LRRC75B: variants seen among roughly 807,000 people sequenced by gnomAD.
The protein encoded by LRRC75B is leucine rich repeat containing 75B, also known as leucine-rich repeat-containing protein 75B.
LRRC75B carries 20 observed loss-of-function variants against 16.5 expected under a neutral mutation model. The ratio of observed to expected loss-of-function variants is 1.21; its 90% CI spans 0.85 to 1.76. LRRC75B has a LOEUF of 1.76. LRRC75B is among the 40% of genes most tolerant of loss of function. LRRC75B has a pLI of 0.00. For missense variants in LRRC75B, 406 were observed against 417.0 expected (o/e 0.97, Z 0.23); for synonymous variants, 199 against 198.1 (o/e 1.00, Z -0.04).
chr22:24,592,898 C>T lies in LRRC75B; in HGVS notation c.142G>A (p.Glu48Lys), dbSNP rs747416487. ...IQSTLRERRPERARQLLRLLR... is the reference protein window; with the variant it reads ...IQSTLRERRPKRARQLLRLLR... Reference sequence around the variant, plus strand: ...AGGCGCAGCAGCTGCCGGGCGCGCTCCGGCCGCCGCTCGCGGAGCGTGGAC... The same window carrying T: ...AGGCGCAGCAGCTGCCGGGCGCGCTTCGGCCGCCGCTCGCGGAGCGTGGAC... The change falls in exon 1 of 4, where the codon GAG becomes AAG. Residue 48 changes from glutamate (E) to lysine (K), a missense_variant. Glu to Lys is a moderately conservative substitution (Grantham distance 56). Transcript: ENST00000318753. The T allele has an allele frequency of 4.2e-5, 54 of 1,281,024 alleles. No individual in the cohort carries two copies. The highest frequency in any genetic ancestry group is 2.1e-4 in the South Asian group (9 of 42,052). 79.4% of individuals were successfully genotyped at this position (1,281,024 alleles called of 1,614,324 possible). A position where few individuals can be genotyped will look rare whatever the true frequency, so the allele number is the denominator to read the frequency against.
At chr22:24,589,067 A>G in intron 2 of LRRC75B, 1 of 1,037,110 alleles carries the variant, frequency 9.6e-7, no homozygotes. Context: ...GGCTAGGCGC[A>G]GAGTCCTAGG....
rs1019114133 is a variant in LRRC75B at position 24,592,889 on chromosome 22, G to C, written c.151C>G (p.Arg51Gly). ...TLRERRPERA[R>G]QLLRLLRQDL... Reference sequence around the variant, plus strand: ...TGGCGCAGGAGGCGCAGCAGCTGCCGGGCGCGCTCCGGCCGCCGCTCGCGG... The same window carrying C: ...TGGCGCAGGAGGCGCAGCAGCTGCCCGGCGCGCTCCGGCCGCCGCTCGCGG... Residue 51 changes from arginine to glycine, a missense_variant, in exon 1 of 4, where the codon CGG (arginine) becomes GGG (glycine). Arg to Gly is a moderately radical substitution (Grantham distance 125). Coordinates refer to ENST00000318753, the MANE Select transcript of LRRC75B (RefSeq NM_207644.3). The C allele has an allele frequency of 3.1e-6, 4 of 1,281,134 alleles. No homozygotes were observed. Among genetic ancestry groups the C allele is most frequent in the Non-Finnish European group, 3.0e-6 (3 of 1,013,858 alleles). The allele number at this position is 1,281,134 out of a possible 1,614,324, so 79.4% of individuals were successfully genotyped here. A position where few individuals can be genotyped will look rare whatever the true frequency, so the allele number is the denominator to read the frequency against.
At chr22:24,590,637 G>A (rs1303943416) in intron 1 of LRRC75B, among the ~76,000 whole-genome samples, 2 of 152,278 alleles carry the variant, frequency 1.3e-5, no homozygotes, top group East Asian at 3.9e-4. Context: ...GTCCCCCAGT[G>A]TTCCCTTCAG....
At chr22:24,587,540 G>A (rs1216426149) in intron 3 of LRRC75B, among the ~76,000 whole-genome samples, 1 of 152,100 alleles carries the variant, frequency 6.6e-6, no homozygotes, top group African/African-American at 2.4e-5. Flanking sequence ...GCAGACAGGG[G>A]AGGCCTGCTA....
chr22:24,590,614 C>G (rs986914135), intron 1 of LRRC75B, among the ~76,000 whole-genome samples: 21 of 152,106 alleles, frequency 1.4e-4, no homozygotes, highest in Non-Finnish European at 2.1e-4. Context: ...CTTATGACCC[C>G]TCAAATTCCC....
chr22:24,590,640 C>T (rs964095135), intron 1 of LRRC75B, among the ~76,000 whole-genome samples: 6 of 152,128 alleles, frequency 3.9e-5, no homozygotes, highest in Admixed American at 6.5e-5. Flanking sequence ...CCCCAGTGTT[C>T]CCTTCAGATC....
intron 1 of LRRC75B, among the ~76,000 whole-genome samples, chr22:24,591,838 C>T (rs1026798704): frequency 6.6e-6 from 1 of 152,262 alleles, no homozygotes; most frequent in Admixed American, 6.5e-5. Flanking sequence ...CAGACCGCAA[C>T]CTGCCAGCCT....
chr22:24,589,524 GC>G, intron 2 of LRRC75B: 1 of 461,494 alleles, frequency 2.2e-6, no homozygotes, highest in Non-Finnish European at 3.3e-6. Context: ...TATGACTTCT[GC>G]CCAGCTATAG....
intron 3 of LRRC75B, 47 bp from the exon 4 acceptor site, chr22:24,586,458 C>G: frequency 6.4e-7 from 1 of 1,562,076 alleles, no homozygotes; most frequent in South Asian, 1.2e-5. Context: ...CCAGGCAGTC[C>G]CCCCACTGAC....
chr22:24,592,343 G>T (rs1468494190), intron 1 of LRRC75B: 1 of 470,674 alleles, frequency 2.1e-6, no homozygotes. Flanking sequence ...CTCTCTGTGG[G>T]CTGCCATGGT....
At chr22:24,588,029 T>A (rs1390159448) in intron 3 of LRRC75B, among the ~76,000 whole-genome samples, 185 bp downstream of exon 3, 1 of 152,124 alleles carries the variant, frequency 6.6e-6, no homozygotes, top group East Asian at 1.9e-4. Context: ...AGGGTGCAGC[T>A]TGGCTTGGGG....
At chr22:24,587,702 C>T (rs1056973823) in intron 3 of LRRC75B, among the ~76,000 whole-genome samples, 6 of 152,182 alleles carry the variant, frequency 3.9e-5, no homozygotes, top group African/African-American at 9.7e-5. Context: ...TGGGCAGCCA[C>T]GGAAGCCTCA....
chr22:24,592,164 G>C lies in LRRC75B; in HGVS notation c.177+699C>G, dbSNP rs886922247. ...GGGAAGTGGCATGCCCAGGTGATTG[G>C]GGGGACCAGCATCCTGGGACAACCC... On this transcript the variant is annotated intron_variant, in intron 1 of 3. Coordinates refer to ENST00000318753, the MANE Select transcript of LRRC75B (RefSeq NM_207644.3). 5 of 397,182 alleles carry C rather than the reference G, an allele frequency of 1.3e-5. No individual in the cohort carries two copies. In the East Asian group the frequency reaches 3.7e-4, roughly 29 times the overall value. 24.6% of individuals were successfully genotyped at this position (397,182 alleles called of 1,614,324 possible). A position where few individuals can be genotyped will look rare whatever the true frequency, so the allele number is the denominator to read the frequency against.
intron 3 of LRRC75B, 129 bp downstream of exon 3, chr22:24,588,085 C>T (rs984848262): frequency 1.1e-5 from 8 of 713,664 alleles, no homozygotes; most frequent in Non-Finnish European, 2.0e-5. Flanking sequence ...GTAGGGCCCT[C>T]ATGCGGACCA....
At chr22:24,592,343 G>A (rs1468494190) in intron 1 of LRRC75B, 1 of 470,556 alleles carries the variant, frequency 2.1e-6, no homozygotes, top group Admixed American at 2.3e-5. Flanking sequence ...CTCTCTGTGG[G>A]CTGCCATGGT....
rs1019114133 is a variant in LRRC75B, at chr22:24,592,889, G to T, written c.151C>A (p.Arg51=). 1.6e-6 allele frequency: 2 copies of T among 1,281,242 alleles called. No individual in the cohort carries two copies. Among genetic ancestry groups the T allele is most frequent in the Non-Finnish European group, 2.0e-6 (2 of 1,013,848 alleles). 79.4% of individuals were successfully genotyped at this position (1,281,242 alleles called of 1,614,324 possible). ...TGGCGCAGGAGGCGCAGCAGCTGCC[G>T]GGCGCGCTCCGGCCGCCGCTCGCGG... ...TLRERRPERA[R]QLLRLLRQDL... is the part of the protein sequence containing the mutation. The change falls in exon 1 of 4, where the codon CGG becomes AGG. Residue 51 remains arginine, a synonymous_variant. Coordinates refer to ENST00000318753, the MANE Select transcript of LRRC75B (RefSeq NM_207644.3).
intron 3 of LRRC75B, 21 bp from the exon 4 acceptor site, chr22:24,586,432 G>C: frequency 1.9e-6 from 3 of 1,593,898 alleles, no homozygotes; most frequent in South Asian, 1.1e-5. Context: ...GTGGCAGGTG[G>C]GGATGGACTA....
chr22:24,592,053 C>T (rs1467351383), intron 1 of LRRC75B, among the ~76,000 whole-genome samples: 2 of 152,122 alleles, frequency 1.3e-5, no homozygotes, highest in Admixed American at 6.5e-5. Context: ...TTCTGCAGGC[C>T]GAACACCTGC....
intron 3 of LRRC75B, 132 bp from the exon 4 acceptor site, chr22:24,586,543 T>C (rs2045399197): frequency 1.5e-5 from 15 of 1,034,040 alleles, no homozygotes; most frequent in South Asian, 6.3e-5. Context: ...GTCTTTCGTA[T>C]TTTTTGAGAC....
Sources: gnomAD v4.1 joint callset for allele counts (sites outside exome capture counted in the v4.1 genomes callset) on GRCh38, gnomAD v4.1.1 for gene constraint, MANE v1.5 for transcripts, NCBI Gene and HGNC (gene_info 2026-07-23, HGNC 2026-07-21) for gene names.